STXBP3: variants seen among roughly 807,000 people sequenced by gnomAD.
STXBP3 encodes the protein syntaxin-binding protein 3.
A neutral mutation model predicts 85.7 loss-of-function variants in STXBP3; 41 were observed. The ratio of observed to expected loss-of-function variants is 0.48; its 90% CI spans 0.37 to 0.62. The LOEUF is 0.62. Among genes scored for constraint, STXBP3 ranks in the 20% least tolerant of loss-of-function variants. The probability of loss-of-function intolerance (pLI) is 0.00; values close to 1 mark genes in which losing one functional copy is unlikely to be tolerated. For synonymous variants in STXBP3, 229 were observed against 231.7 expected (o/e 0.99, Z 0.10); for missense variants, 563 against 703.1 (o/e 0.80, Z 2.25).
At chr1:108,753,643 A>G (rs1017596884) in intron 3 of STXBP3, among the ~76,000 whole-genome samples, 6 of 152,140 alleles carry the variant, frequency 3.9e-5, no homozygotes, top group African/African-American at 1.4e-4. Flanking sequence ...TGAAATACTT[A>G]CAGATTCTGA....
intron 14 of STXBP3, 83 bp downstream of exon 14, chr1:108,796,455 C>G: frequency 8.2e-7 from 1 of 1,221,476 alleles, no homozygotes; most frequent in Non-Finnish European, 1.1e-6. Context: ...AGTTGCTGAA[C>G]TTGGTTAAGA....
intron 15 of STXBP3, 59 bp from the exon 16 acceptor site, chr1:108,798,086 A>C: frequency 7.7e-7 from 1 of 1,306,048 alleles, no homozygotes; most frequent in Non-Finnish European, 1.1e-6. Flanking sequence ...AGGAAACGTA[A>C]GAGTATTATA....
At chr1:108,801,656 A>T (rs1570775363) in intron 17 of STXBP3, among the ~76,000 whole-genome samples, 1 of 138,874 alleles carries the variant, frequency 7.2e-6, no homozygotes, top group African/African-American at 2.6e-5. Context: ...TCCTTTTTTT[A>T]ATTTTTTTTT....
intron 14 of STXBP3, 98 bp downstream of exon 14, chr1:108,796,470 A>C (rs1663102186): frequency 8.3e-7 from 1 of 1,205,562 alleles, no homozygotes; most frequent in Non-Finnish European, 1.2e-6. Context: ...TTAAGATAAA[A>C]GGGAAAATAT....
intron 15 of STXBP3, among the ~76,000 whole-genome samples, chr1:108,797,197 A>G (rs1287414154): frequency 6.6e-6 from 1 of 151,988 alleles, no homozygotes; most frequent in Non-Finnish European, 1.5e-5. Context: ...TCTACAAAAA[A>G]CAAAAAAATA....
At chr1:108,766,900 A>G (rs762339165) in intron 6 of STXBP3, 48 of 522,984 alleles carry the variant, frequency 9.2e-5, no homozygotes, top group Middle Eastern at 6.5e-4. Flanking sequence ...ACTCTAGCAC[A>G]AAAGAAACTG....
intron 1 of STXBP3, among the ~76,000 whole-genome samples, chr1:108,751,760 T>C (rs1661910858): frequency 8.0e-6 from 1 of 125,014 alleles, no homozygotes; most frequent in African/African-American, 3.0e-5. Context: ...GTAAGGAACA[T>C]ATTTATTGAT....
Position 108,798,189 on chromosome 1 carries a change from A to C in STXBP3, c.1401A>C (p.Glu467Asp). The change falls in exon 16 of 19, where the codon GAA (glutamate) becomes GAC (aspartate). Residue 467 changes from glutamate (E) to aspartate (D), a missense_variant. By Grantham distance (45) the Glu-to-Asp change is conservative (BLOSUM62 2). Around this residue, in one of 3 missense-constraint regions of STXBP3, gnomAD observed 494 missense variants for 592.8 expected, o/e 0.83. Coordinates refer to ENST00000370008, the MANE Select transcript of STXBP3 (RefSeq NM_007269.4). Reference protein sequence around the residue: ...KPLRKDRSAEETFQLSRWTPF... With the variant: ...KPLRKDRSAEDTFQLSRWTPF... ...TAAGAAAGGATCGGTCTGCAGAAGA[A>C]ACTTTTCAGCTCTCTCGGTGGACAC... The C allele has an allele frequency of 6.2e-7, 1 of 1,612,746 alleles. No homozygotes were observed. The highest frequency in any genetic ancestry group is 8.5e-7 in the Non-Finnish European group (1 of 1,179,532).
At chr1:108,791,807 C>G (rs1220441947) in intron 11 of STXBP3, among the ~76,000 whole-genome samples, 5 of 152,120 alleles carry the variant, frequency 3.3e-5, no homozygotes, top group African/African-American at 1.2e-4. Flanking sequence ...GCAGATAACC[C>G]CTTAACTCAG....
chr1:108,771,452 C>CATATATATATA (rs1319647090), intron 6 of STXBP3, among the ~76,000 whole-genome samples: 2 of 9,128 alleles, frequency 2.2e-4, no homozygotes, highest in African/African-American at 3.4e-4. Flanking sequence ...CTATATATAT[C>CATATATATATA]ATATATAAAT....
At chr1:108,751,207 C>A (rs1272361784) in intron 1 of STXBP3, among the ~76,000 whole-genome samples, 1 of 152,166 alleles carries the variant, frequency 6.6e-6, no homozygotes, top group Non-Finnish European at 1.5e-5. Context: ...AGCCCTCAAT[C>A]TAAAGCTGTA....
At chr1:108,788,588 C>CTTTTTCTTAATAGA (rs1321043775) in intron 11 of STXBP3, among the ~76,000 whole-genome samples, 18 of 152,150 alleles carry the variant, frequency 1.2e-4, no homozygotes, top group African/African-American at 4.3e-4. Flanking sequence ...AGATATAGAA[C>CTTTTTCTTAATAGA]TATTTAGTTT....
In STXBP3 at chr1:108,762,718, T is replaced by C. The variant is rs115218274; in HGVS notation, c.438+2633T>C. Reference sequence around the variant, plus strand: ...TGCTCACTTAATATCCTGGGAGTGATCTTGTTGAAATTTGCCACCATCATG... The same window carrying C: ...TGCTCACTTAATATCCTGGGAGTGACCTTGTTGAAATTTGCCACCATCATG... On this transcript the variant is annotated intron_variant, in intron 6 of 18. Coordinates refer to ENST00000370008, the MANE Select transcript of STXBP3 (RefSeq NM_007269.4). Among the ~76,000 whole-genome samples the C allele has an allele frequency of 3.2e-3, 480 of 152,252 alleles. 1 individual carries two copies. Among genetic ancestry groups the C allele is most frequent in the African/African-American group, 0.011 (470 of 41,542 alleles).
chr1:108,750,060 G>C (rs556889962), intron 1 of STXBP3, among the ~76,000 whole-genome samples: 25 of 152,066 alleles, frequency 1.6e-4, no homozygotes, highest in African/African-American at 5.8e-4. Context: ...CCACCATCTA[G>C]GACAATGCAG....
At chr1:108,808,698 A>G (rs1663392994) in intron 18 of STXBP3, 85 bp from the exon 19 acceptor site, 1 of 1,062,972 alleles carries the variant, frequency 9.4e-7, no homozygotes, top group South Asian at 1.4e-5. Flanking sequence ...TGCACTTTAC[A>G]TATTTGAAGG....
chr1:108,795,959 G>A (rs1177243928), intron 13 of STXBP3, among the ~76,000 whole-genome samples: 11 of 151,874 alleles, frequency 7.2e-5, no homozygotes, highest in African/African-American at 2.7e-4. Flanking sequence ...TCTGCCCACC[G>A]GGTTCAAGTG....
chr1:108,746,867 G>C, intron 1 of STXBP3, 81 bp downstream of exon 1: 1 of 1,424,870 alleles, frequency 7.0e-7, no homozygotes, highest in Middle Eastern at 2.4e-4. Flanking sequence ...CCCCAACCCA[G>C]CGGTCTGTTG....
chr1:108,788,887 C>A lies in STXBP3; in HGVS notation c.964-4695C>A, dbSNP rs547365695. Among the ~76,000 whole-genome samples, 8 of 152,032 alleles carry A rather than the reference C, an allele frequency of 5.3e-5. No individual in the cohort carries two copies. In the East Asian group the frequency reaches 1.5e-3, roughly 29 times the overall value. On this transcript the variant is annotated intron_variant, in intron 11 of 18. Coordinates refer to ENST00000370008, the MANE Select transcript of STXBP3 (RefSeq NM_007269.4). ...GACCAGTCTGGCCAACATGGTGAAA[C>A]CCTGTCTCTACTAAAAAAAATACAA... is the stretch of plus-strand genomic sequence containing the variant.
At chr1:108,754,991 T>C (rs1286219445) in intron 3 of STXBP3, among the ~76,000 whole-genome samples, 1 of 152,116 alleles carries the variant, frequency 6.6e-6, no homozygotes, top group Non-Finnish European at 1.5e-5. Flanking sequence ...TCTATGAAAC[T>C]GGGCACTGGC....
Sources: gnomAD v4.1 joint callset for allele counts (sites outside exome capture counted in the v4.1 genomes callset) on GRCh38, gnomAD v4.1.1 for gene constraint, gnomAD v4.1.1 regional missense constraint, MANE v1.5 for transcripts, NCBI Gene and HGNC (gene_info 2026-07-23, HGNC 2026-07-21) for gene names.